SLC1A3: variants seen among roughly 807,000 people sequenced by gnomAD.
The protein encoded by SLC1A3 is solute carrier family 1 member 3, also known as excitatory amino acid transporter 1.
In SLC1A3, 21 loss-of-function variants were observed where a neutral mutation model predicts 48.1. That is an observed-to-expected ratio of 0.44 (90% CI 0.31 to 0.63). SLC1A3 has a LOEUF of 0.63. Ranked by LOEUF, SLC1A3 falls within the 20% of genes least tolerant of loss-of-function variation. The pLI, the probability that SLC1A3 is intolerant of heterozygous loss-of-function variation, is 0.08. For synonymous variants in SLC1A3, 239 were observed against 251.4 expected, an observed-to-expected ratio of 0.95 and a Z score of 0.47; for missense variants, 546 against 689.0, an observed-to-expected ratio of 0.79 and a Z score of 2.32.
chr5:36,603,560 G>A (rs1195474641), upstream of SLC1A3, among the ~76,000 whole-genome samples: 1 of 152,074 alleles, frequency 6.6e-6, no homozygotes, highest in African/African-American at 2.4e-5. Flanking sequence ...ATAAAACCTA[G>A]TTATTTAAAA....
intron 3 of SLC1A3, among the ~76,000 whole-genome samples, chr5:36,638,056 C>A (rs761118602): frequency 3.3e-5 from 5 of 152,112 alleles, no homozygotes; most frequent in Admixed American, 1.3e-4. Flanking sequence ...TTAGTTGATA[C>A]CTTTATTAGT....
At chr5:36,623,674 T>C (rs1218093178) in intron 2 of SLC1A3, among the ~76,000 whole-genome samples, 1 of 148,874 alleles carries the variant, frequency 6.7e-6, no homozygotes, top group South Asian at 2.1e-4. Context: ...ACCAACAATG[T>C]GAAATACCGT....
chr5:36,621,412 C>G (rs368693855), intron 2 of SLC1A3, among the ~76,000 whole-genome samples: 1 of 152,196 alleles, frequency 6.6e-6, no homozygotes, highest in East Asian at 1.9e-4. Context: ...TTGCCAGGAG[C>G]ACCCATTGAT....
intron 3 of SLC1A3, among the ~76,000 whole-genome samples, chr5:36,663,380 A>ATTTTTTTTTTT (rs1156283585): frequency 5.7e-3 from 394 of 69,314 alleles, no homozygotes; most frequent in Non-Finnish European, 7.4e-3. Flanking sequence ...CACGCCCGGC[A>ATTTTTTTTTTT]TTTTTTTTTT....
intron 9 of SLC1A3, among the ~76,000 whole-genome samples, 184 bp downstream of exon 9, chr5:36,684,182 A>C (rs1742552737): frequency 6.6e-6 from 1 of 152,188 alleles, no homozygotes. Flanking sequence ...CCCAGATGCC[A>C]TGTGCACTCA....
At chr5:36,652,531 TTCA>T (rs1379678869) in intron 3 of SLC1A3, among the ~76,000 whole-genome samples, 2 of 152,190 alleles carry the variant, frequency 1.3e-5, no homozygotes, top group Non-Finnish European at 2.9e-5. Context: ...GTGTGTTCTT[TTCA>T]TCCTCTGCAT....
intron 3 of SLC1A3, among the ~76,000 whole-genome samples, chr5:36,636,830 A>G (rs1740411430): frequency 6.6e-6 from 1 of 151,870 alleles, no homozygotes; most frequent in African/African-American, 2.4e-5. Flanking sequence ...AGACCTGAGG[A>G]TCTCTGGGCT....
At chr5:36,634,352 C>T (rs1464406896) in intron 3 of SLC1A3, among the ~76,000 whole-genome samples, 2 of 151,544 alleles carry the variant, frequency 1.3e-5, no homozygotes, top group Non-Finnish European at 2.9e-5. Flanking sequence ...GTTAAACACA[C>T]ATTAGTACCA....
Position 36,608,457 on chromosome 5 carries a change from G to T in SLC1A3, c.34G>T (p.Gly12Trp). The change falls in exon 2 of 10, where the codon GGG becomes TGG. Residue 12 changes from glycine to tryptophan, a missense_variant. Physicochemically the swap from Gly to Trp is radical, Grantham distance 184. This residue lies in a region of SLC1A3 where 348 missense variants were observed against 392.0 expected (regional missense o/e 0.89). Coordinates refer to ENST00000265113, the MANE Select transcript of SLC1A3 (RefSeq NM_004172.5). ...TKSNGEEPKM[G>W]GRMERFQQGV... is the part of the protein sequence containing the mutation. ...AAGCAATGGAGAAGAGCCCAAGATGGGGGGCAGGATGGAGAGATTCCAGCA... is the reference window on the plus strand; with the variant it reads ...AAGCAATGGAGAAGAGCCCAAGATGTGGGGCAGGATGGAGAGATTCCAGCA... 1 of 1,614,052 alleles carries T rather than the reference G, an allele frequency of 6.2e-7. No individual in the cohort carries two copies. Among genetic ancestry groups the T allele is most frequent in the South Asian group, 1.1e-5 (1 of 91,082 alleles).
intron 8 of SLC1A3, among the ~76,000 whole-genome samples, chr5:36,682,165 T>C (rs1742465475): frequency 6.6e-6 from 1 of 152,228 alleles, no homozygotes. Flanking sequence ...CCCCAAAACA[T>C]GTCTTTTACA....
chr5:36,636,060 T>TGTGC (rs1740335600), intron 3 of SLC1A3: 1 of 152,114 alleles, frequency 6.6e-6, no homozygotes, highest in Non-Finnish European at 1.5e-5. Flanking sequence ...TGTGTGTGTG[T>TGTGC]GTGTGTGTGT....
intron 3 of SLC1A3, among the ~76,000 whole-genome samples, chr5:36,631,714 T>C (rs1740141505): frequency 6.6e-6 from 1 of 152,220 alleles, no homozygotes. Context: ...TAGTCTGAAG[T>C]GAGTAATTTC....
chr5:36,679,999 A>C (rs567523466), intron 7 of SLC1A3, 139 bp downstream of exon 7: 72 of 710,474 alleles, frequency 1.0e-4, no homozygotes, highest in African/African-American at 1.0e-3. Context: ...TTCTGATGTC[A>C]ATCACACCTG....
chr5:36,635,239 A>G (rs1028102041), intron 3 of SLC1A3, among the ~76,000 whole-genome samples: 8 of 151,948 alleles, frequency 5.3e-5, no homozygotes, highest in Non-Finnish European at 1.0e-4. Context: ...CATTCTCTAT[A>G]AAATGTAAGT....
At chr5:36,646,313 C>CACAA (rs1740838109) in intron 3 of SLC1A3, among the ~76,000 whole-genome samples, 1 of 152,182 alleles carries the variant, frequency 6.6e-6, no homozygotes, top group Non-Finnish European at 1.5e-5. Flanking sequence ...TGGTATTTTT[C>CACAA]ACTAACACTT....
At chr5:36,599,028 G>C (rs1738775188) in intron 1 of SLC1A3, among the ~76,000 whole-genome samples, 1 of 151,976 alleles carries the variant, frequency 6.6e-6, no homozygotes, top group African/African-American at 2.4e-5. Flanking sequence ...TTACATTTTG[G>C]GGGTACTAAG....
At chr5:36,619,990 A>C (rs1291544695) in intron 2 of SLC1A3, among the ~76,000 whole-genome samples, 1 of 152,152 alleles carries the variant, frequency 6.6e-6, no homozygotes, top group East Asian at 1.9e-4. Flanking sequence ...ACCCATTCCA[A>C]TTGATCTCTC....
At chr5:36,644,465 G>C (rs1412298173) in intron 3 of SLC1A3, among the ~76,000 whole-genome samples, 1 of 152,142 alleles carries the variant, frequency 6.6e-6, no homozygotes, top group Non-Finnish European at 1.5e-5. Flanking sequence ...TTTAGTTGTA[G>C]TGAATAAAAA....
intron 8 of SLC1A3, among the ~76,000 whole-genome samples, chr5:36,681,721 T>C (rs538645174): frequency 1.3e-5 from 2 of 152,340 alleles, no homozygotes; most frequent in East Asian, 1.9e-4. Flanking sequence ...TTTTTGCTTA[T>C]TAAAAGTTAT....
Sources: gnomAD v4.1 joint callset for allele counts (sites outside exome capture counted in the v4.1 genomes callset) on GRCh38, gnomAD v4.1.1 for gene constraint, gnomAD v4.1.1 regional missense constraint, MANE v1.5 for transcripts, NCBI Gene and HGNC (gene_info 2026-07-23, HGNC 2026-07-21) for gene names.